The following KIAA0825 variants were observed in gnomAD, a reference collection of about 807,000 sequenced individuals.
KIAA0825 encodes the protein uncharacterized protein KIAA0825.
KIAA0825 carries 119 observed loss-of-function variants against 147.6 expected under a neutral mutation model. The observed-to-expected ratio is 0.81, with a 90% CI of 0.69 to 0.94. The LOEUF (loss-of-function observed/expected upper bound fraction) is 0.94, where lower values mean the gene tolerates loss of function less well. KIAA0825 is among the 40% of genes least tolerant of loss of function. The pLI is 0.00. For synonymous variants in KIAA0825, 470 were observed against 518.1 expected (o/e 0.91, Z 1.26); for missense variants, 1,381 against 1,472.7 (o/e 0.94, Z 1.02).
At chr5:94,491,365 A>G (rs757915211) in intron 5 of KIAA0825, among the ~76,000 whole-genome samples, 3 of 152,176 alleles carry the variant, frequency 2.0e-5, no homozygotes, top group Non-Finnish European at 4.4e-5. Context: ...GGGACCATGT[A>G]GGAACAAACA....
At chr5:94,209,938 A>G (rs1772550058) in intron 20 of KIAA0825, among the ~76,000 whole-genome samples, 1 of 152,304 alleles carries the variant, frequency 6.6e-6, no homozygotes, top group East Asian at 1.9e-4. Context: ...GAAGGGTTTC[A>G]TCTTTGCCCA....
In KIAA0825 at chr5:94,386,361, T is replaced by A; in HGVS notation, c.3500A>T (p.Glu1167Val). 1.3e-6 allele frequency: 2 copies of A among 1,551,568 alleles called. No homozygotes were observed. Among genetic ancestry groups the A allele is most frequent in the Non-Finnish European group, 1.7e-6 (2 of 1,146,812 alleles). Residue 1167 changes from glutamate (E) to valine (V), a missense_variant, in exon 19 of 21, where the codon GAA (glutamate) becomes GTA (valine). Physicochemically the swap from Glu to Val is moderately radical, Grantham distance 121. Transcript: ENST00000682413. The part of the protein sequence containing the change: ...EQLFSMNSSE[E>V]KPLPIRPLKT... ...TAAAGGTCGGATGGGTAATGGCTTT[T>A]CCTCTGAACTATTCATAGAAAACAG...
intron 1 of KIAA0825, among the ~76,000 whole-genome samples, chr5:94,595,385 A>C (rs1490798157): frequency 6.6e-6 from 1 of 152,216 alleles, no homozygotes; most frequent in Admixed American, 6.5e-5. Context: ...CACCCTCTGA[A>C]GCAACGGCCT....
intron 1 of KIAA0825, among the ~76,000 whole-genome samples, chr5:94,614,752 T>A (rs1789943149): frequency 6.6e-6 from 1 of 152,194 alleles, no homozygotes; most frequent in Non-Finnish European, 1.5e-5. Context: ...TTGTGTTCAA[T>A]GATGTATGTA....
intron 20 of KIAA0825, among the ~76,000 whole-genome samples, chr5:94,185,303 C>A (rs1018165826): frequency 2.0e-5 from 3 of 152,118 alleles, no homozygotes; most frequent in Admixed American, 1.3e-4. Context: ...ACTTCTAGGG[C>A]TGAGGACATA....
chr5:94,436,780 G>A (rs973217916), intron 14 of KIAA0825, among the ~76,000 whole-genome samples: 2 of 151,966 alleles, frequency 1.3e-5, no homozygotes, highest in Non-Finnish European at 1.5e-5. Context: ...ATTTGTTTGT[G>A]TCATATCTGA....
chr5:94,172,844 T>G (rs956365916), intron 20 of KIAA0825, among the ~76,000 whole-genome samples: 9 of 152,176 alleles, frequency 5.9e-5, no homozygotes, highest in Non-Finnish European at 2.9e-5. Flanking sequence ...AACCTCATAT[T>G]GGCCTCAGTT....
At chr5:94,354,595 T>C (rs1784046416) in intron 20 of KIAA0825, among the ~76,000 whole-genome samples, 1 of 152,174 alleles carries the variant, frequency 6.6e-6, no homozygotes, top group Non-Finnish European at 1.5e-5. Flanking sequence ...CATGACATAT[T>C]TTATTTAGCT....
At chr5:94,517,235 T>G (rs1480302077) in intron 5 of KIAA0825, among the ~76,000 whole-genome samples, 1 of 152,188 alleles carries the variant, frequency 6.6e-6, no homozygotes, top group African/African-American at 2.4e-5. Context: ...AGAAATCTTC[T>G]TTTTTTGGCT....
At chr5:94,183,393 T>A (rs1769840559) in intron 20 of KIAA0825, among the ~76,000 whole-genome samples, 1 of 152,214 alleles carries the variant, frequency 6.6e-6, no homozygotes, top group Non-Finnish European at 1.5e-5. Context: ...GTTATAAATC[T>A]TTTGTTCTGG....
At chr5:94,573,131 G>T (rs1780286532) in intron 2 of KIAA0825, among the ~76,000 whole-genome samples, 1 of 151,722 alleles carries the variant, frequency 6.6e-6, no homozygotes, top group Non-Finnish European at 1.5e-5. Flanking sequence ...GGGGGGTTGG[G>T]GGGGTTGTTC....
chr5:94,594,447 G>T, intron 1 of KIAA0825: 1 of 737,518 alleles, frequency 1.4e-6, no homozygotes, highest in South Asian at 1.3e-5. Context: ...AGTAGATTTT[G>T]AGTGTATCTT....
intron 3 of KIAA0825, among the ~76,000 whole-genome samples, chr5:94,531,073 T>C (rs1013954970): frequency 6.6e-6 from 1 of 152,156 alleles, no homozygotes; most frequent in Admixed American, 6.5e-5. Context: ...GTCTTATGCT[T>C]ATTTGGCCAA....
chr5:94,249,664 T>C (rs1775840203), intron 20 of KIAA0825, among the ~76,000 whole-genome samples: 1 of 152,118 alleles, frequency 6.6e-6, no homozygotes. Flanking sequence ...TTCTCATGGC[T>C]GAGGTCTCAG....
intron 1 of KIAA0825, among the ~76,000 whole-genome samples, chr5:94,586,289 C>G (rs1442233906): frequency 6.6e-5 from 10 of 152,114 alleles, no homozygotes; most frequent in Non-Finnish European, 1.5e-4. Context: ...AGGTAGACCA[C>G]TAGCCAGACT....
chr5:94,321,901 A>T (rs1780230808), intron 20 of KIAA0825, among the ~76,000 whole-genome samples: 1 of 151,946 alleles, frequency 6.6e-6, no homozygotes, highest in South Asian at 2.1e-4. Flanking sequence ...TAAATTACAA[A>T]TTATTGTGAC....
At chr5:94,566,718 T>C (rs1193671585) in intron 2 of KIAA0825, among the ~76,000 whole-genome samples, 1 of 152,148 alleles carries the variant, frequency 6.6e-6, no homozygotes, top group Non-Finnish European at 1.5e-5. Context: ...TAGACTCTTC[T>C]ATATAGATTA....
chr5:94,285,656 A>G (rs987680363), intron 20 of KIAA0825, among the ~76,000 whole-genome samples: 2 of 152,174 alleles, frequency 1.3e-5, no homozygotes, highest in Non-Finnish European at 2.9e-5. Context: ...GAAAGAATTT[A>G]AAGTTTGTCA....
At chr5:94,383,257 T>C (rs1232755614) in intron 20 of KIAA0825, among the ~76,000 whole-genome samples, 1 of 152,158 alleles carries the variant, frequency 6.6e-6, no homozygotes, top group African/African-American at 2.4e-5. Context: ...TGAGCTTAAT[T>C]CAGGGGTGAA....
Sources: gnomAD v4.1 joint callset for allele counts (sites outside exome capture counted in the v4.1 genomes callset) on GRCh38, gnomAD v4.1.1 for gene constraint, MANE v1.5 for transcripts, NCBI Gene and HGNC (gene_info 2026-07-23, HGNC 2026-07-21) for gene names.